The following XRCC4 variants were observed in gnomAD, a reference collection of about 807,000 sequenced individuals.
XRCC4 encodes the protein DNA repair protein XRCC4.
A neutral mutation model predicts 39.1 loss-of-function variants in XRCC4; 28 were observed. That is an observed-to-expected ratio of 0.72 (90% confidence interval 0.53 to 0.98). The LOEUF (loss-of-function observed/expected upper bound fraction) is 0.98, where lower values mean the gene tolerates loss of function less well. Among genes scored for constraint, XRCC4 ranks in the 50% least tolerant of loss-of-function variants. XRCC4 has a pLI of 0.00. For missense variants in XRCC4, 350 were observed against 376.4 expected, an observed-to-expected ratio of 0.93 and a Z score of 0.58; for synonymous variants, 123 against 126.4, an observed-to-expected ratio of 0.97 and a Z score of 0.18.
chr5:83,283,849 G>A (rs1754637784), intron 7 of XRCC4, among the ~76,000 whole-genome samples: 1 of 151,920 alleles, frequency 6.6e-6, no homozygotes, highest in Non-Finnish European at 1.5e-5. Flanking sequence ...TAATGGATCT[G>A]TGTAATATTT....
rs141064640 is a variant in XRCC4, at chr5:83,289,226, C to G, written c.893+30549C>G. The stretch of plus-strand genomic sequence containing the variant: ...TAATATATTAATCATAATTACTTTA[C>G]CGTGTCTGATGACTTGAACATCTGT... On this transcript the variant is annotated intron_variant, in intron 7 of 7. Transcript: ENST00000396027. 2.2e-3 allele frequency among the ~76,000 whole-genome samples: 341 copies of G among 151,912 alleles called. 1 individual carries two copies. Among genetic ancestry groups the G allele is most frequent in the Non-Finnish European group, 3.8e-3 (255 of 67,860 alleles).
intron 7 of XRCC4, among the ~76,000 whole-genome samples, chr5:83,347,354 G>T (rs1756946748): frequency 6.6e-6 from 1 of 152,298 alleles, no homozygotes; most frequent in African/African-American, 2.4e-5. Context: ...AAGAAAAGAG[G>T]TTTAATTGGC....
At chr5:83,249,131 C>A (rs1431261874) in intron 6 of XRCC4, among the ~76,000 whole-genome samples, 2 of 152,022 alleles carry the variant, frequency 1.3e-5, no homozygotes, top group Non-Finnish European at 2.9e-5. Flanking sequence ...TTTTTCCCCA[C>A]CTAATTTTAT....
chr5:83,144,301 G>GTGTGTGTA (rs1554058234), intron 3 of XRCC4, among the ~76,000 whole-genome samples: 10 of 148,480 alleles, frequency 6.7e-5, no homozygotes, highest in African/African-American at 2.6e-4. Flanking sequence ...GTGTGTGTGT[G>GTGTGTGTA]TGTGTAAAAT....
chr5:83,329,033 C>T (rs1756354626), intron 7 of XRCC4, among the ~76,000 whole-genome samples: 1 of 152,048 alleles, frequency 6.6e-6, no homozygotes, highest in African/African-American at 2.4e-5. Flanking sequence ...CTTAAGCCTC[C>T]TTATTAGCTG....
At chr5:83,185,561 T>C (rs2974445) in intron 3 of XRCC4, among the ~76,000 whole-genome samples, 69,058 of 151,264 alleles carry the variant, frequency 0.46, 16,226 homozygotes, top group South Asian at 0.52. Flanking sequence ...TTTCATGGGA[T>C]GTTCTTGGTA....
At chr5:83,301,504 T>C (rs1194303313) in intron 7 of XRCC4, among the ~76,000 whole-genome samples, 1 of 152,074 alleles carries the variant, frequency 6.6e-6, no homozygotes, top group Non-Finnish European at 1.5e-5. Context: ...ACTGCAAAAA[T>C]TTTCTCCCAT....
chr5:83,344,244 A>G (rs7714809), intron 7 of XRCC4, among the ~76,000 whole-genome samples: 13,299 of 150,788 alleles, frequency 0.088, 729 homozygotes, highest in African/African-American at 0.16. Flanking sequence ...AAATGTGTGT[A>G]TTTTTTTTAA....
intron 7 of XRCC4, among the ~76,000 whole-genome samples, chr5:83,315,556 C>T (rs747064797): frequency 6.6e-6 from 1 of 152,122 alleles, no homozygotes; most frequent in Non-Finnish European, 1.5e-5. Context: ...GTGGCTAATG[C>T]AGCTGGTAAC....
intron 7 of XRCC4, among the ~76,000 whole-genome samples, chr5:83,293,735 T>C (rs1479483836): frequency 6.6e-6 from 1 of 152,022 alleles, no homozygotes. Flanking sequence ...GCATGATACT[T>C]GTACATTGAG....
intron 3 of XRCC4, among the ~76,000 whole-genome samples, chr5:83,130,154 T>A (rs1214072913): frequency 6.6e-6 from 1 of 152,182 alleles, no homozygotes; most frequent in Non-Finnish European, 1.5e-5. Context: ...CAATACCTAA[T>A]TTATTGAGAG....
At chr5:83,300,754 C>T (rs758274777) in intron 7 of XRCC4, among the ~76,000 whole-genome samples, 13 of 151,660 alleles carry the variant, frequency 8.6e-5, no homozygotes, top group South Asian at 2.1e-4. Flanking sequence ...CAACAGGCCC[C>T]GTTGTGTGAT....
chr5:83,173,974 G>T (rs1383233824), intron 3 of XRCC4, among the ~76,000 whole-genome samples: 2 of 152,140 alleles, frequency 1.3e-5, no homozygotes, highest in African/African-American at 4.8e-5. Context: ...ATACCTGGGT[G>T]TCAAATTTAT....
rs148558379 is a variant in XRCC4, at chr5:83,115,296, G to A, written c.315+4093G>A. ...TACAAAATTAGCTGTGCATGGTGGC[G>A]CATACCTGTAATTCCAGCTACTTGG... On this transcript the variant is annotated intron_variant, in intron 3 of 7. Transcript: ENST00000396027. 2.6e-3 allele frequency among the ~76,000 whole-genome samples: 398 copies of A among 152,206 alleles called. 1 individual carries two copies. Among genetic ancestry groups the A allele is most frequent in the Non-Finnish European group, 4.3e-3 (290 of 67,988 alleles).
chr5:83,333,856 A>C, intron 7 of XRCC4, among the ~76,000 whole-genome samples: 1 of 148,048 alleles, frequency 6.8e-6, no homozygotes, highest in African/African-American at 2.5e-5. Context: ...TGCAACCTCC[A>C]CCTCCCAGGT....
chr5:83,336,668 C>T (rs956362764), intron 7 of XRCC4, among the ~76,000 whole-genome samples: 18 of 152,054 alleles, frequency 1.2e-4, no homozygotes, highest in African/African-American at 4.1e-4. Flanking sequence ...TTTAATGAAG[C>T]GTAGGTTAAT....
At chr5:83,196,718 G>A (rs1332641747) in intron 4 of XRCC4, among the ~76,000 whole-genome samples, 1 of 151,198 alleles carries the variant, frequency 6.6e-6, no homozygotes, top group Non-Finnish European at 1.5e-5. Flanking sequence ...GAAAAATTAT[G>A]TGGAATATAT....
chr5:83,297,960 A>G (rs539549880), intron 7 of XRCC4, among the ~76,000 whole-genome samples: 1 of 152,098 alleles, frequency 6.6e-6, no homozygotes, highest in Admixed American at 6.5e-5. Context: ...CCCATTTGAA[A>G]TGTATTCAGT....
intron 6 of XRCC4, among the ~76,000 whole-genome samples, chr5:83,233,623 C>T (rs530283814): frequency 3.2e-4 from 49 of 151,496 alleles, no homozygotes; most frequent in African/African-American, 9.9e-4. Context: ...CACGGTGGCT[C>T]ATGCCTGTAA....
Sources: gnomAD v4.1 joint callset for allele counts (sites outside exome capture counted in the v4.1 genomes callset) on GRCh38, gnomAD v4.1.1 for gene constraint, MANE v1.5 for transcripts, NCBI Gene and HGNC (gene_info 2026-07-23, HGNC 2026-07-21) for gene names.